The following CABCOCO1 variants were observed in gnomAD, a reference collection of about 807,000 sequenced individuals.
CABCOCO1 encodes ciliary associated calcium binding coiled-coil 1, also known as ciliary-associated calcium-binding coiled-coil protein 1.
Under a neutral mutation model 35.7 loss-of-function variants are expected in CABCOCO1, and 28 were observed. The observed-to-expected ratio is 0.78, with a 90% CI of 0.58 to 1.07. The LOEUF (loss-of-function observed/expected upper bound fraction) is 1.07, where lower values mean the gene tolerates loss of function less well. Among genes scored for constraint, CABCOCO1 ranks in the 50% least tolerant of loss-of-function variants. CABCOCO1 has a pLI of 0.00. For synonymous variants in CABCOCO1, 95 were observed against 100.1 expected, an observed-to-expected ratio of 0.95 and a Z score of 0.30; for missense variants, 326 against 309.2, an observed-to-expected ratio of 1.05 and a Z score of -0.41.
intron 7 of CABCOCO1, among the ~76,000 whole-genome samples, chr10:61,761,425 T>C (rs906006131): frequency 6.6e-6 from 1 of 152,078 alleles, no homozygotes; most frequent in South Asian, 2.1e-4. Flanking sequence ...TCAGACAGTT[T>C]GTTCCTTTTG....
intron 4 of CABCOCO1, among the ~76,000 whole-genome samples, chr10:61,686,782 G>A (rs1169766043): frequency 1.3e-5 from 2 of 152,122 alleles, no homozygotes; most frequent in East Asian, 3.9e-4. Context: ...TGGAAGTAAA[G>A]TATTTTTATT....
intron 2 of CABCOCO1, among the ~76,000 whole-genome samples, chr10:61,673,504 G>C (rs1215606968): frequency 6.6e-6 from 1 of 152,168 alleles, no homozygotes; most frequent in East Asian, 1.9e-4. Context: ...GACACAAACA[G>C]GGTGTCGTGG....
intron 5 of CABCOCO1, among the ~76,000 whole-genome samples, chr10:61,745,835 T>G (rs944725680): frequency 6.6e-6 from 1 of 152,196 alleles, no homozygotes; most frequent in African/African-American, 2.4e-5. Context: ...AGACCCACAG[T>G]GTTCTTTAAA....
At chr10:61,761,139 A>AT in intron 7 of CABCOCO1, 136 bp downstream of exon 7, 1 of 904,064 alleles carries the variant, frequency 1.1e-6, no homozygotes. Flanking sequence ...ACAGCTTCAC[A>AT]TAATTCTCAG....
At chr10:61,735,854 T>C (rs1004573909) in intron 5 of CABCOCO1, among the ~76,000 whole-genome samples, 2 of 152,132 alleles carry the variant, frequency 1.3e-5, no homozygotes, top group South Asian at 2.1e-4. Context: ...ACCCCGACCA[T>C]GTAGCTGAAT....
At chr10:61,718,470 A>T (rs1037705934) in intron 5 of CABCOCO1, among the ~76,000 whole-genome samples, 1 of 152,304 alleles carries the variant, frequency 6.6e-6, no homozygotes, top group Admixed American at 6.5e-5. Context: ...AGTTTGTTTT[A>T]AAAAGGTATG....
chr10:61,739,173 G>A (rs537529454), intron 5 of CABCOCO1, among the ~76,000 whole-genome samples: 1 of 152,258 alleles, frequency 6.6e-6, no homozygotes, highest in Admixed American at 6.5e-5. Context: ...AGATGCATTG[G>A]AGAGAAATTA....
At position 61,690,618 on chromosome 10, in the gene CABCOCO1, T is replaced by C; in HGVS notation, c.549T>C (p.Thr183=). 1 of 1,586,886 alleles carries C rather than the reference T, an allele frequency of 6.3e-7. No homozygotes were observed. The highest frequency in any genetic ancestry group is 1.1e-5 in the South Asian group (1 of 90,162). Residue 183 remains threonine, a synonymous_variant, in exon 5 of 8, where the codon ACT becomes ACC. Coordinates refer to ENST00000648843, the MANE Select transcript of CABCOCO1 (RefSeq NM_001366906.2). ...YSAREEIVIG[T]EQVIEVVKSA... is the part of the protein sequence containing the mutation. ...CCAGGGAAGAAATTGTGATAGGAAC[T>C]GAGGTAAGTAATTTATCTAGATGGA...
chr10:61,714,868 T>C (rs923242213), intron 5 of CABCOCO1, among the ~76,000 whole-genome samples: 2 of 152,218 alleles, frequency 1.3e-5, no homozygotes, highest in Non-Finnish European at 2.9e-5. Flanking sequence ...TGCACTGTGG[T>C]CTGAGAGACA....
At chr10:61,665,803 C>T (rs964924598) in intron 1 of CABCOCO1, among the ~76,000 whole-genome samples, 7 of 150,362 alleles carry the variant, frequency 4.7e-5, no homozygotes, top group Admixed American at 1.3e-4. Context: ...AGGAGAATGG[C>T]GTGAACCCGG....
intron 1 of CABCOCO1, among the ~76,000 whole-genome samples, chr10:61,663,513 T>C (rs1839073918): frequency 6.6e-6 from 1 of 152,204 alleles, no homozygotes; most frequent in African/African-American, 2.4e-5. Flanking sequence ...AATAACTGTT[T>C]ACTGGTGATG....
At chr10:61,760,749 A>G (rs988668301) in intron 6 of CABCOCO1, 114 bp from the exon 7 acceptor site, 113 of 1,214,632 alleles carry the variant, frequency 9.3e-5, no homozygotes, top group Non-Finnish European at 1.1e-5. Flanking sequence ...TTGCACTTGT[A>G]TCCTGGAACT....
intron 5 of CABCOCO1, among the ~76,000 whole-genome samples, chr10:61,692,520 G>A (rs1272070325): frequency 1.3e-5 from 2 of 152,110 alleles, no homozygotes; most frequent in Non-Finnish European, 2.9e-5. Context: ...AATAAACAGT[G>A]AGTAACAGGA....
chr10:61,698,559 CA>C (rs1840354937), intron 5 of CABCOCO1, among the ~76,000 whole-genome samples: 1 of 151,990 alleles, frequency 6.6e-6, no homozygotes, highest in Admixed American at 6.6e-5. Context: ...GAAATAATAC[CA>C]CTTAAGGTCA....
At chr10:61,718,519 A>G (rs1425243825) in intron 5 of CABCOCO1, among the ~76,000 whole-genome samples, 1 of 152,120 alleles carries the variant, frequency 6.6e-6, no homozygotes, top group African/African-American at 2.4e-5. Context: ...TAAAGATATT[A>G]TTCTTTAAAT....
chr10:61,672,696 T>G lies in CABCOCO1; in HGVS notation c.125T>G (p.Ile42Ser). The G allele has an allele frequency of 1.0e-6, 1 of 985,376 alleles. No homozygotes were observed. The highest frequency in any genetic ancestry group is 1.2e-6 in the Non-Finnish European group (1 of 829,874). 61.0% of individuals were successfully genotyped at this position (985,376 alleles called of 1,614,324 possible). A position where few individuals can be genotyped will look rare whatever the true frequency, so the allele number is the denominator to read the frequency against. Residue 42 changes from isoleucine (I) to serine (S), a missense_variant, in exon 2 of 8, where the codon ATC becomes AGC. Transcript: ENST00000648843. ...CCGGATTTTCTTTCAGTTGCCCAAA[T>G]CACTGATTTGTTAATGGAGGACATC... ...LSPDFLSVAQ[I>S]TDLLMEDIDG...
intron 5 of CABCOCO1, among the ~76,000 whole-genome samples, chr10:61,713,297 GCTCT>G (rs1166341013): frequency 6.6e-6 from 1 of 152,054 alleles, no homozygotes; most frequent in African/African-American, 2.4e-5. Flanking sequence ...TCATGATTTG[GCTCT>G]CTGTTTGTCT....
intron 5 of CABCOCO1, among the ~76,000 whole-genome samples, chr10:61,719,258 C>A (rs1175044499): frequency 6.6e-6 from 1 of 152,088 alleles, no homozygotes; most frequent in Non-Finnish European, 1.5e-5. Context: ...GACATAAGGG[C>A]ATGGTTACAA....
intron 5 of CABCOCO1, among the ~76,000 whole-genome samples, chr10:61,729,185 A>G (rs1270669859): frequency 6.6e-6 from 1 of 152,208 alleles, no homozygotes; most frequent in East Asian, 1.9e-4. Context: ...CTCATTAACA[A>G]TGAGCAAACT....
Sources: allele counts gnomAD v4.1 joint callset (sites outside exome capture counted in the v4.1 genomes callset), GRCh38; gene constraint gnomAD v4.1.1; transcripts MANE v1.5; gene names NCBI Gene and HGNC (gene_info 2026-07-23, HGNC 2026-07-21).